The following GABRB2 variants were observed in gnomAD, a reference collection of about 807,000 sequenced individuals.
GABRB2 encodes gamma-aminobutyric acid type A receptor subunit beta2.
In GABRB2, 16 loss-of-function variants were observed where a neutral mutation model predicts 54.7. The observed-to-expected ratio is 0.29, with a 90% confidence interval of 0.20 to 0.44. The LOEUF (loss-of-function observed/expected upper bound fraction) is 0.44, where lower values mean the gene tolerates loss of function less well. GABRB2 is among the 20% of genes least tolerant of loss of function. GABRB2 has a pLI of 1.00. For synonymous variants in GABRB2, 244 were observed against 233.8 expected (o/e 1.04, Z -0.40); for missense variants, 355 against 644.0 (o/e 0.55, Z 4.86).
rs919243622 is a variant in GABRB2, at chr5:161,290,874, G to C, written c.*3207C>G. The C allele has an allele frequency of 3.3e-5, 5 of 152,638 alleles. No individual in the cohort carries two copies. The East Asian group carries it at 7.7e-4, about 24-fold the overall frequency. The allele number at this position is 152,638 out of a possible 1,614,324, so 9.5% of individuals were successfully genotyped here. A position where few individuals can be genotyped will look rare whatever the true frequency, so the allele number is the denominator to read the frequency against. Reference sequence around the variant, plus strand: ...TTTATGTGTTGTGCTTTTGTAAGCTGACAGATTTTTTTGTGTGTGTTCCTA... The same window carrying C: ...TTTATGTGTTGTGCTTTTGTAAGCTCACAGATTTTTTTGTGTGTGTTCCTA... On this transcript the variant is annotated 3_prime_UTR_variant, in exon 10 of 10. Transcript: ENST00000393959.
At chr5:161,430,196 C>T (rs557505950) in intron 4 of GABRB2, among the ~76,000 whole-genome samples, 1 of 151,992 alleles carries the variant, frequency 6.6e-6, no homozygotes, top group African/African-American at 2.4e-5. Flanking sequence ...TACCCAACAC[C>T]AAACTAAAAC....
intron 3 of GABRB2, among the ~76,000 whole-genome samples, chr5:161,544,689 G>A (rs921948470): frequency 2.0e-5 from 3 of 152,106 alleles, no homozygotes; most frequent in Non-Finnish European, 4.4e-5. Context: ...TTATTTTGGT[G>A]GGCAGGAGGG....
In GABRB2 at chr5:161,293,657, A is replaced by C. The variant is rs1468674910; in HGVS notation, c.*424T>G. 1 of 166,120 alleles carries C rather than the reference A, an allele frequency of 6.0e-6. No individual in the cohort carries two copies. Among genetic ancestry groups the C allele is most frequent in the African/African-American group, 2.4e-5 (1 of 41,668 alleles). The allele number at this position is 166,120 out of a possible 1,614,324, so 10.3% of individuals were successfully genotyped here. ...TCAAGTAATGTGTTTGCATGGCATT[A>C]CAGATAATGTTTCATAAGGACAATG... On this transcript the variant is annotated 3_prime_UTR_variant, in exon 10 of 10. Transcript: ENST00000393959.
chr5:161,424,260 A>T (rs1756932882), intron 4 of GABRB2, among the ~76,000 whole-genome samples: 1 of 152,162 alleles, frequency 6.6e-6, no homozygotes, highest in South Asian at 2.1e-4. Flanking sequence ...GTGTAGACAA[A>T]ACAGCCTTCC....
At chr5:161,338,063 C>T (rs1754043080) in intron 5 of GABRB2, among the ~76,000 whole-genome samples, 1 of 152,208 alleles carries the variant, frequency 6.6e-6, no homozygotes, top group Admixed American at 6.5e-5. Context: ...CAACAAACCA[C>T]TTCTCTTTCC....
chr5:161,539,076 T>C (rs1039988107), intron 3 of GABRB2, among the ~76,000 whole-genome samples: 9 of 152,210 alleles, frequency 5.9e-5, no homozygotes, highest in African/African-American at 2.2e-4. Context: ...ACTAGAACTC[T>C]TTCCTCAAAA....
intron 3 of GABRB2, among the ~76,000 whole-genome samples, chr5:161,488,014 AG>A (rs1758979964): frequency 1.3e-5 from 2 of 151,908 alleles, no homozygotes; most frequent in Admixed American, 1.3e-4. Flanking sequence ...ATTAAAATAC[AG>A]ATGAACACTT....
chr5:161,523,942 C>A lies in GABRB2; in HGVS notation c.237+21285G>T, dbSNP rs2113438017. Reference sequence around the variant, plus strand: ...AAACAATAATTTTGTTGTTCTATAACTTCTTAGTAGCAAGAAAAACTAATA... The same window carrying A: ...AAACAATAATTTTGTTGTTCTATAAATTCTTAGTAGCAAGAAAAACTAATA... On this transcript the variant is annotated intron_variant, in intron 3 of 9. Coordinates refer to ENST00000393959, the MANE Select transcript of GABRB2 (RefSeq NM_001371727.1). Among the ~76,000 whole-genome samples, 3 of 151,426 alleles carry A rather than the reference C, an allele frequency of 2.0e-5. 1 individual carries two copies. In the Middle Eastern group the frequency reaches 0.01, roughly 515 times the overall value.
At chr5:161,336,126 TA>T (rs1263674390) in intron 6 of GABRB2, among the ~76,000 whole-genome samples, 1 of 152,158 alleles carries the variant, frequency 6.6e-6, no homozygotes, top group Non-Finnish European at 1.5e-5. Flanking sequence ...GGGATAATCT[TA>T]ACACCTGAAA....
At chr5:161,466,559 T>C (rs1758282194) in intron 3 of GABRB2, among the ~76,000 whole-genome samples, 1 of 152,094 alleles carries the variant, frequency 6.6e-6, no homozygotes, top group Admixed American at 6.6e-5. Flanking sequence ...GAAAGAATTT[T>C]ATCATTAGAA....
At chr5:161,474,943 C>A (rs1387098659) in intron 3 of GABRB2, among the ~76,000 whole-genome samples, 1 of 151,822 alleles carries the variant, frequency 6.6e-6, no homozygotes, top group African/African-American at 2.4e-5. Context: ...TCTCTGAGAG[C>A]TGGTTGTTCT....
In GABRB2 at chr5:161,336,813, AC is replaced by A. The variant is rs370146697; in HGVS notation, c.542-45del. 411 of 1,487,092 alleles carry A rather than the reference AC, an allele frequency of 2.8e-4. 5 individuals carry two copies. The African/African-American group carries it at 4.8e-3, about 17-fold the overall frequency. The allele number at this position is 1,487,092 out of a possible 1,614,324, so 92.1% of individuals were successfully genotyped here. On this transcript the variant is annotated intron_variant, in intron 5 of 9. Coordinates refer to ENST00000393959, the MANE Select transcript of GABRB2 (RefSeq NM_001371727.1). ...ACACACACACACACAAATACAGAAA[AC>A]AAAAAAAAAAAAACAGACAAAACAG...
At chr5:161,454,784 T>A (rs1757900956) in intron 4 of GABRB2, among the ~76,000 whole-genome samples, 1 of 152,124 alleles carries the variant, frequency 6.6e-6, no homozygotes, top group Non-Finnish European at 1.5e-5. Context: ...GAAAATATGC[T>A]TAAGGTTCAA....
intron 5 of GABRB2, among the ~76,000 whole-genome samples, chr5:161,350,644 G>T (rs977897032): frequency 6.6e-6 from 1 of 152,102 alleles, no homozygotes; most frequent in African/African-American, 2.4e-5. Context: ...TGCCAAAGGA[G>T]ATTAACATTT....
chr5:161,294,221 G>A lies in GABRB2; in HGVS notation c.1399C>T (p.Leu467=), dbSNP rs2113333399. 6.2e-7 allele frequency: 1 copy of A among 1,614,138 alleles called. No homozygotes were observed. The highest frequency in any genetic ancestry group is 8.5e-7 in the Non-Finnish European group (1 of 1,180,000). The change falls in exon 10 of 10, where the codon CTG becomes TTG. Residue 467 remains leucine (L), a synonymous_variant. Transcript: ENST00000393959. ...ERHVAQKKSR[L]RRRASQLKIT... ...TTCAGTTGGGAGGCGCGTCTCCTCAGGCGACTTTTCTTTTGCGCCACATGT... is the reference window on the plus strand; with the variant it reads ...TTCAGTTGGGAGGCGCGTCTCCTCAAGCGACTTTTCTTTTGCGCCACATGT...
At chr5:161,491,579 C>T (rs1759093559) in intron 3 of GABRB2, among the ~76,000 whole-genome samples, 1 of 151,594 alleles carries the variant, frequency 6.6e-6, no homozygotes, top group African/African-American at 2.4e-5. Context: ...CCCATCAATA[C>T]TGCAATGATT....
At chr5:161,460,769 A>G (rs1758101300) in intron 3 of GABRB2, among the ~76,000 whole-genome samples, 1 of 152,188 alleles carries the variant, frequency 6.6e-6, no homozygotes, top group African/African-American at 2.4e-5. Context: ...GAATTTAAAA[A>G]CAAAGCATAG....
At chr5:161,436,988 G>A (rs1757329709) in intron 4 of GABRB2, among the ~76,000 whole-genome samples, 1 of 152,040 alleles carries the variant, frequency 6.6e-6, no homozygotes, top group Non-Finnish European at 1.5e-5. Context: ...GTCCAAACTT[G>A]AGTTCCCATG....
intron 4 of GABRB2, among the ~76,000 whole-genome samples, chr5:161,413,408 G>C (rs1195918978): frequency 6.6e-6 from 1 of 151,920 alleles, no homozygotes; most frequent in Non-Finnish European, 1.5e-5. Flanking sequence ...CATTGTTTAT[G>C]TTTTCAATGG....
Sources: allele counts gnomAD v4.1 joint callset (sites outside exome capture counted in the v4.1 genomes callset), GRCh38; gene constraint gnomAD v4.1.1; transcripts MANE v1.5; gene names NCBI Gene and HGNC (gene_info 2026-07-23, HGNC 2026-07-21).